Variants in NFU1 observed in about 807,000 individuals in gnomAD.
The protein encoded by NFU1 is NFU1 iron-sulfur cluster scaffold homolog, mitochondrial.
A neutral mutation model predicts 32.2 loss-of-function variants in NFU1; 30 were observed. The observed-to-expected ratio is 0.93, with a 90% CI of 0.70 to 1.26. The LOEUF (loss-of-function observed/expected upper bound fraction) is 1.26. NFU1 is among the 50% of genes most tolerant of loss of function. The pLI is 0.00. For missense variants in NFU1, 306 were observed against 306.6 expected, an observed-to-expected ratio of 1.00 and a Z score of 0.02; for synonymous variants, 112 against 104.6, an observed-to-expected ratio of 1.07 and a Z score of -0.43.
intron 2 of NFU1, chr2:69,429,921 T>C (rs1171583133): frequency 1.6e-5 from 4 of 256,306 alleles, no homozygotes; most frequent in South Asian, 1.0e-4. Flanking sequence ...ACCAGCTACT[T>C]GGGAGACTGA....
chr2:69,425,834 A>T (rs1286954894), intron 2 of NFU1, among the ~76,000 whole-genome samples: 2 of 152,076 alleles, frequency 1.3e-5, no homozygotes, highest in Non-Finnish European at 2.9e-5. Flanking sequence ...TAAAGAAGGA[A>T]CTCTTACTCC....
chr2:69,420,633 C>T (rs1392778221), intron 3 of NFU1, among the ~76,000 whole-genome samples: 2 of 152,152 alleles, frequency 1.3e-5, no homozygotes, highest in Non-Finnish European at 2.9e-5. Context: ...ACTTGTATGT[C>T]TCAGATGTCT....
Position 69,413,829 on chromosome 2 carries a change from A to T in NFU1, c.484+1356T>A, listed in dbSNP as rs181832887. ...TTTGGGAGGCCGAGGCAGGCGAATC[A>T]TGAGGTCTGGAGTTCAAGACCAGCC... On this transcript the variant is annotated intron_variant, in intron 5 of 7. Coordinates refer to ENST00000410022, the MANE Select transcript of NFU1 (RefSeq NM_001002755.4). Among the ~76,000 whole-genome samples, 1,391 of 151,916 alleles carry T rather than the reference A, an allele frequency of 9.2e-3. 16 individuals carry two copies. Among genetic ancestry groups the T allele is most frequent in the Middle Eastern group, 0.035 (10 of 288 alleles).
At chr2:69,418,748 C>T (rs1474852142) in intron 4 of NFU1, among the ~76,000 whole-genome samples, 4 of 151,956 alleles carry the variant, frequency 2.6e-5, no homozygotes, top group South Asian at 2.1e-4. Context: ...GGATTACAGG[C>T]GTGAGCCACC....
chr2:69,425,768 G>A (rs1437794177), intron 2 of NFU1, among the ~76,000 whole-genome samples: 5 of 151,896 alleles, frequency 3.3e-5, no homozygotes, highest in African/African-American at 7.3e-5. Flanking sequence ...TTACAGGCAT[G>A]AGCCACCATG....
intron 5 of NFU1, among the ~76,000 whole-genome samples, chr2:69,412,880 A>T (rs1672933137): frequency 1.3e-5 from 2 of 149,804 alleles, no homozygotes; most frequent in East Asian, 3.9e-4. Flanking sequence ...AAAAAGACAC[A>T]TGACTCAATT....
intron 2 of NFU1, among the ~76,000 whole-genome samples, chr2:69,426,837 G>A (rs1490762047): frequency 6.6e-6 from 1 of 150,588 alleles, no homozygotes; most frequent in South Asian, 2.1e-4. Flanking sequence ...GGGAGGCCGA[G>A]GCGGGCGGAT....
intron 1 of NFU1, among the ~76,000 whole-genome samples, chr2:69,434,563 T>TTTAATAGGGAATA (rs1673764570): frequency 1.3e-5 from 2 of 152,222 alleles, no homozygotes; most frequent in South Asian, 4.1e-4. Flanking sequence ...AAAAGGAGAC[T>TTTAATAGGGAATA]TTAATAGTAA....
At chr2:69,415,161 T>C in intron 5 of NFU1, 24 bp downstream of exon 5, 1 of 1,308,460 alleles carries the variant, frequency 7.6e-7, no homozygotes, top group Non-Finnish European at 1.1e-6. Context: ...GGACAAATTT[T>C]AATTACTCAA....
intron 6 of NFU1, among the ~76,000 whole-genome samples, chr2:69,404,501 T>G (rs542421340): frequency 5.3e-5 from 8 of 150,820 alleles, no homozygotes; most frequent in African/African-American, 1.7e-4. Flanking sequence ...AAAAAAAATA[T>G]CTGTATACAC....
chr2:69,399,819 T>C (rs1331631834), intron 7 of NFU1, among the ~76,000 whole-genome samples: 1 of 152,022 alleles, frequency 6.6e-6, no homozygotes, highest in African/African-American at 2.4e-5. Context: ...CATTAGAAGA[T>C]GAAATGAGCA....
At chr2:69,433,664 CAG>C (rs1438326723) in intron 1 of NFU1, among the ~76,000 whole-genome samples, 16 of 152,196 alleles carry the variant, frequency 1.1e-4, no homozygotes, top group African/African-American at 3.4e-4. Flanking sequence ...TTAGTAGAGA[CAG>C]GGTTTCACCA....
intron 3 of NFU1, among the ~76,000 whole-genome samples, chr2:69,423,264 GTGTGTGTGT>G: frequency 7.1e-6 from 1 of 140,194 alleles, no homozygotes; most frequent in East Asian, 2.1e-4. Context: ...GTGTGTGTGT[GTGTGTGTGT>G]GTGTGTGTGT....
chr2:69,434,592 T>G (rs796322207), intron 1 of NFU1, among the ~76,000 whole-genome samples: 7 of 152,214 alleles, frequency 4.6e-5, no homozygotes, highest in African/African-American at 1.7e-4. Flanking sequence ...AAAATCCCAA[T>G]GCAATTTACT....
At chr2:69,404,289 C>T (rs922902783) in intron 6 of NFU1, among the ~76,000 whole-genome samples, 5 of 151,118 alleles carry the variant, frequency 3.3e-5, no homozygotes, top group African/African-American at 9.7e-5. Flanking sequence ...GTCAGGAGGT[C>T]GTGACCAACC....
chr2:69,435,310 T>A (rs1033010991), intron 1 of NFU1, among the ~76,000 whole-genome samples: 3 of 152,246 alleles, frequency 2.0e-5, no homozygotes, highest in Non-Finnish European at 4.4e-5. Flanking sequence ...TTCACTGTCA[T>A]AATTTTCTGT....
intron 4 of NFU1, among the ~76,000 whole-genome samples, chr2:69,417,335 T>C (rs1441846558): frequency 1.3e-5 from 2 of 152,012 alleles, no homozygotes; most frequent in South Asian, 2.1e-4. Context: ...ATAAATCCAG[T>C]ATTCCGTCTA....
chr2:69,397,044 C>CGGCTTGGTG (rs1672363084), intron 7 of NFU1, among the ~76,000 whole-genome samples: 1 of 149,652 alleles, frequency 6.7e-6, no homozygotes, highest in Non-Finnish European at 1.5e-5. Context: ...TAGAGCACTC[C>CGGCTTGGTG]AGCTTGGTGA....
At chr2:69,400,239 G>C (rs1362749190) in intron 7 of NFU1, 125 bp downstream of exon 7, 1 of 878,212 alleles carries the variant, frequency 1.1e-6, no homozygotes, top group Non-Finnish European at 1.8e-6. Flanking sequence ...TCCAGCCCTT[G>C]AAGAAAAAGC....
Sources: allele counts gnomAD v4.1 joint callset (sites outside exome capture counted in the v4.1 genomes callset), GRCh38; gene constraint gnomAD v4.1.1; transcripts MANE v1.5; gene names NCBI Gene and HGNC (gene_info 2026-07-23, HGNC 2026-07-21).